Variants in GTF3C5 observed in about 807,000 individuals in gnomAD.
The protein encoded by GTF3C5 is general transcription factor IIIC subunit 5.
A neutral mutation model predicts 61.0 loss-of-function variants in GTF3C5; 47 were observed. The observed-to-expected ratio is 0.77, with a 90% CI of 0.61 to 0.98. GTF3C5 has a LOEUF of 0.98. Ranked by LOEUF, GTF3C5 falls within the 50% of genes least tolerant of loss-of-function variation. GTF3C5 has a pLI of 0.00. For missense variants in GTF3C5, 659 were observed against 703.3 expected (o/e 0.94, Z 0.71); for synonymous variants, 295 against 275.4 (o/e 1.07, Z -0.71).
At chr9:133,049,514 G>A (rs1053598384) in intron 3 of GTF3C5, among the ~76,000 whole-genome samples, 1 of 152,174 alleles carries the variant, frequency 6.6e-6, no homozygotes, top group Non-Finnish European at 1.5e-5. Context: ...ATGATCACCC[G>A]AGTGAATTTG....
chr9:133,056,541 G>A (rs1236772845), intron 9 of GTF3C5, among the ~76,000 whole-genome samples: 3 of 152,192 alleles, frequency 2.0e-5, no homozygotes, highest in Non-Finnish European at 4.4e-5. Context: ...ATGTGCAGTG[G>A]TAACACGGCC....
chr9:133,054,673 A>G, intron 7 of GTF3C5, 39 bp from the exon 8 acceptor site: 1 of 1,524,124 alleles, frequency 6.6e-7, no homozygotes, highest in Non-Finnish European at 8.9e-7. Flanking sequence ...CCTCCTCCCC[A>G]CCCTGCACAT....
intron 5 of GTF3C5, among the ~76,000 whole-genome samples, chr9:133,052,542 A>G (rs1850417818): frequency 6.6e-6 from 1 of 151,894 alleles, no homozygotes; most frequent in Non-Finnish European, 1.5e-5. Flanking sequence ...CAGCGGCCCC[A>G]TGTCGTCCTC....
At chr9:133,053,635 A>G (rs1829828613) in intron 5 of GTF3C5, among the ~76,000 whole-genome samples, 193 bp from the exon 6 acceptor site, 1 of 152,204 alleles carries the variant, frequency 6.6e-6, no homozygotes, top group Admixed American at 6.5e-5. Context: ...TCCATCTGAC[A>G]GGAAGACCAA....
chr9:133,056,225 G>A, intron 9 of GTF3C5, 131 bp downstream of exon 9: 1 of 729,654 alleles, frequency 1.4e-6, no homozygotes, highest in Non-Finnish European at 2.3e-6. Flanking sequence ...TGGGAGTTTG[G>A]TGCTGCCGAG....
rs572746157 is a variant in GTF3C5, at chr9:133,049,708, A to G, written c.573-1075A>G. Among the ~76,000 whole-genome samples, 5 of 152,240 alleles carry G rather than the reference A, an allele frequency of 3.3e-5. No homozygotes were observed. The East Asian group carries it at 7.7e-4, about 23-fold the overall frequency. On this transcript the variant is annotated intron_variant, in intron 3 of 10. Coordinates refer to ENST00000372097, the MANE Select transcript of GTF3C5 (RefSeq NM_012087.4). The stretch of plus-strand genomic sequence containing the variant: ...CAAATATTTTGAGAAATACCTACCT[A>G]AGGGTGTTCTGTGCCAACATACAGA...
intron 8 of GTF3C5, chr9:133,055,402 T>C (rs8193017): frequency 0.05 from 64,000 of 1,287,646 alleles, 3,796 homozygotes; most frequent in African/African-American, 0.29. Flanking sequence ...GCGAGGGACT[T>C]GCTGTCCCCC....
At chr9:133,035,894 T>G (rs1400705233) in intron 1 of GTF3C5, among the ~76,000 whole-genome samples, 1 of 152,180 alleles carries the variant, frequency 6.6e-6, no homozygotes, top group African/African-American at 2.4e-5. Context: ...TGAGACCTCG[T>G]TCGGTCCAAA....
At chr9:133,030,872 G>T, upstream of GTF3C5, 1 of 972,776 alleles carries the variant, frequency 1.0e-6, no homozygotes, top group South Asian at 1.4e-5. Flanking sequence ...GGAGGCCCTC[G>T]CGTCTTGCTG....
In GTF3C5 at chr9:133,042,225, G is replaced by T. The variant is rs750142793; in HGVS notation, c.292G>T (p.Val98Leu). The change falls in exon 2 of 11, where the codon GTG (valine) becomes TTG (leucine). Residue 98 changes from valine (V) to leucine (L), a missense_variant. Physicochemically the swap from Val to Leu is conservative, Grantham distance 32. Transcript: ENST00000372097. The stretch of plus-strand genomic sequence containing the variant: ...GAAGAGAACGAGGCGGCAGAAAGGG[G>T]TGCTGGGCACTGAGGCCCACTCCGA... ...IRKRTRRQKGVLGTEAHSEVT... is the reference protein window; with the variant it reads ...IRKRTRRQKGLLGTEAHSEVT... 1.9e-6 allele frequency: 3 copies of T among 1,613,922 alleles called. No homozygotes were observed. Among genetic ancestry groups the T allele is most frequent in the Non-Finnish European group, 2.5e-6 (3 of 1,179,744 alleles).
chr9:133,030,890 G>C (rs747029308), upstream of GTF3C5: 3 of 1,146,406 alleles, frequency 2.6e-6, no homozygotes, highest in African/African-American at 4.6e-5. Flanking sequence ...CTGAGCCCGG[G>C]GAGTTAGGAT....
chr9:133,031,086 G>T lies in GTF3C5; in HGVS notation c.75G>T (p.Val25=), dbSNP rs1435534903. The change falls in exon 1 of 11, where the codon GTG becomes GTT. Residue 25 remains valine (V), a synonymous_variant. Coordinates refer to ENST00000372097, the MANE Select transcript of GTF3C5 (RefSeq NM_012087.4). ...PVELRRERRM[V]CVEYPGVVRD... ...AGCTGAGGCGGGAGCGACGCATGGT[G>T]TGCGTGGAGTACCCGGGAGTGGTGC... The T allele has an allele frequency of 6.2e-7, 1 of 1,609,604 alleles. No homozygotes were observed. The highest frequency in any genetic ancestry group is 1.1e-5 in the South Asian group (1 of 90,390).
At chr9:133,053,199 C>T (rs376737111) in intron 5 of GTF3C5, among the ~76,000 whole-genome samples, 4 of 152,130 alleles carry the variant, frequency 2.6e-5, no homozygotes. Flanking sequence ...GAAGATGTCT[C>T]ATCGATTAGG....
chr9:133,054,692 C>T lies in GTF3C5; in HGVS notation c.1070-20C>T, dbSNP rs1388378620. ...CTCCCCACCCTGCACATTCCAAGCA[C>T]TGCTGTTGTCCCCACGCAGCCAGCC... On this transcript the variant is annotated intron_variant, in intron 7 of 10. Coordinates refer to ENST00000372097, the MANE Select transcript of GTF3C5 (RefSeq NM_012087.4). 2 of 1,552,316 alleles carry T rather than the reference C, an allele frequency of 1.3e-6. No homozygotes were observed. Among genetic ancestry groups the T allele is most frequent in the African/African-American group, 1.4e-5 (1 of 73,570 alleles).
chr9:133,033,793 A>G lies in GTF3C5; in HGVS notation c.153+2629A>G, dbSNP rs529572871. Among the ~76,000 whole-genome samples the G allele has an allele frequency of 5.3e-5, 8 of 152,272 alleles. No individual in the cohort carries two copies. The South Asian group carries it at 1.5e-3, about 28-fold the overall frequency. ...TGTTTAAAGTGCGGACAGAATATTT[A>G]ATCCATTCCATCCAGGCGTTTGCAT... On this transcript the variant is annotated intron_variant, in intron 1 of 10. Transcript: ENST00000372097.
At chr9:133,037,451 C>T (rs1013928249) in intron 1 of GTF3C5, among the ~76,000 whole-genome samples, 15 of 152,116 alleles carry the variant, frequency 9.9e-5, no homozygotes, top group African/African-American at 3.4e-4. Flanking sequence ...GCCTATTCTG[C>T]CTTCTAAGGG....
At chr9:133,031,407 G>A (rs762357934) in intron 1 of GTF3C5, among the ~76,000 whole-genome samples, 9 of 151,996 alleles carry the variant, frequency 5.9e-5, no homozygotes, top group Non-Finnish European at 4.4e-5. Context: ...GCTGGTGTGC[G>A]GTGGTGCGAT....
upstream of GTF3C5, chr9:133,030,993 C>T (rs781219648): frequency 9.3e-6 from 15 of 1,611,606 alleles, no homozygotes; most frequent in Non-Finnish European, 7.6e-6. Context: ...CCCTGGCGGG[C>T]CCTGCCAGAC....
intron 1 of GTF3C5, among the ~76,000 whole-genome samples, chr9:133,031,382 G>C (rs1225428245): frequency 6.6e-6 from 1 of 152,032 alleles, no homozygotes; most frequent in African/African-American, 2.4e-5. Flanking sequence ...GCGGAGTTTC[G>C]CTCTTGTTTC....
Sources: gnomAD v4.1 joint callset for allele counts (sites outside exome capture counted in the v4.1 genomes callset) on GRCh38, gnomAD v4.1.1 for gene constraint, MANE v1.5 for transcripts, NCBI Gene and HGNC (gene_info 2026-07-23, HGNC 2026-07-21) for gene names.